CCDC6: variants seen among roughly 807,000 people sequenced by gnomAD.
CCDC6 encodes coiled-coil domain-containing protein 6.
A neutral mutation model predicts 56.6 loss-of-function variants in CCDC6; 20 were observed. That is an observed-to-expected ratio of 0.35 (90% CI 0.25 to 0.51). CCDC6 has a LOEUF of 0.51. Ranked by LOEUF, CCDC6 falls within the 20% of genes least tolerant of loss-of-function variation. The pLI, the probability that CCDC6 is intolerant of heterozygous loss-of-function variation, is 0.95. For synonymous variants in CCDC6, 241 were observed against 234.4 expected (o/e 1.03, Z -0.26); for missense variants, 367 against 601.1 (o/e 0.61, Z 4.07).
At chr10:59,844,324 G>A (rs2070969348) in intron 2 of CCDC6, among the ~76,000 whole-genome samples, 1 of 151,338 alleles carries the variant, frequency 6.6e-6, no homozygotes, top group South Asian at 2.1e-4. Context: ...ATCTACTTGG[G>A]TATATATCTA....
At chr10:59,884,328 G>C (rs146550649) in intron 1 of CCDC6, among the ~76,000 whole-genome samples, 68 of 152,238 alleles carry the variant, frequency 4.5e-4, no homozygotes, top group Non-Finnish European at 2.6e-4. Flanking sequence ...AGACAGCGAC[G>C]ACAATAAGCA....
Position 59,794,410 on chromosome 10 carries a change from C to T in CCDC6, c.1230+63G>A, listed in dbSNP as rs2070495315. Reference sequence around the variant, plus strand: ...GTCTAAGGGCACCGATCCTGTTCTCCAGAACACCAGTCGGTACCACTTTCA... The same window carrying T: ...GTCTAAGGGCACCGATCCTGTTCTCTAGAACACCAGTCGGTACCACTTTCA... On this transcript the variant is annotated intron_variant, in intron 8 of 8. Transcript: ENST00000263102. 1.9e-6 allele frequency: 3 copies of T among 1,567,780 alleles called. No individual in the cohort carries two copies. The South Asian group carries it at 3.4e-5, about 18-fold the overall frequency.
intron 1 of CCDC6, among the ~76,000 whole-genome samples, chr10:59,865,861 A>T (rs2071172540): frequency 1.3e-5 from 2 of 151,296 alleles, no homozygotes. Flanking sequence ...ACAAAAAAAA[A>T]AAAAAAAAAA....
At chr10:59,893,208 G>C (rs947094999) in intron 1 of CCDC6, among the ~76,000 whole-genome samples, 4 of 152,118 alleles carry the variant, frequency 2.6e-5, no homozygotes, top group Non-Finnish European at 5.9e-5. Flanking sequence ...CGGGGGGAGG[G>C]ATACTGACTG....
At chr10:59,884,562 C>T (rs1414330162) in intron 1 of CCDC6, among the ~76,000 whole-genome samples, 1 of 151,768 alleles carries the variant, frequency 6.6e-6, no homozygotes, top group Non-Finnish European at 1.5e-5. Context: ...CGCCCAGTTC[C>T]CAGAATACTT....
Position 59,832,614 on chromosome 10 carries a change from G to A in CCDC6, c.493C>T (p.Gln165Ter). 6.2e-7 allele frequency: 1 copy of A among 1,613,154 alleles called. No homozygotes were observed. The highest frequency in any genetic ancestry group is 8.5e-7 in the Non-Finnish European group (1 of 1,179,506). The stretch of plus-strand genomic sequence containing the variant: ...TTGTTGACCTGAAATTCCTGCTCTT[G>A]TTCAAGATGCTGTTCTAGTTCGGCT... ...EKAELEQHLE[Q>*]EQEFQVNKLM... The change falls in exon 3 of 9, where the codon CAA (glutamine) becomes TAA (stop). Residue 165 changes from glutamine to a stop codon, truncating the protein, a stop_gained. Transcript: ENST00000263102. LOFTEE classifies it high-confidence loss of function.
chr10:59,852,128 A>G (rs2071045351), intron 2 of CCDC6, among the ~76,000 whole-genome samples: 1 of 152,164 alleles, frequency 6.6e-6, no homozygotes, highest in African/African-American at 2.4e-5. Context: ...ATACCTTTCT[A>G]CTTCCTAAAG....
chr10:59,817,494 T>C (rs1054046592), intron 3 of CCDC6, among the ~76,000 whole-genome samples: 17 of 152,198 alleles, frequency 1.1e-4, no homozygotes, highest in South Asian at 4.1e-4. Context: ...ATTATGTTTA[T>C]TTAAACAAAT....
chr10:59,892,164 T>C (rs1289832578), intron 1 of CCDC6, among the ~76,000 whole-genome samples: 1 of 152,246 alleles, frequency 6.6e-6, no homozygotes, highest in Non-Finnish European at 1.5e-5. Context: ...CTAGAACCCA[T>C]ACCCCCATGA....
intron 1 of CCDC6, among the ~76,000 whole-genome samples, chr10:59,857,114 A>C (rs1214476372): frequency 6.6e-6 from 1 of 152,192 alleles, no homozygotes; most frequent in Admixed American, 6.5e-5. Flanking sequence ...TGAGGACTAG[A>C]CCACAAAGCG....
chr10:59,830,098 C>A (rs1419720885), intron 3 of CCDC6, among the ~76,000 whole-genome samples: 2 of 152,186 alleles, frequency 1.3e-5, no homozygotes, highest in Non-Finnish European at 1.5e-5. Context: ...TCTAACAAAG[C>A]AGTGGGACAT....
chr10:59,809,620 C>G (rs1160844758), intron 5 of CCDC6, among the ~76,000 whole-genome samples: 2 of 152,282 alleles, frequency 1.3e-5, no homozygotes, highest in South Asian at 2.1e-4. Flanking sequence ...CTCTTGCACA[C>G]AGAACTCCCT....
At position 59,852,705 on chromosome 10, in the gene CCDC6, G is replaced by A. The variant is rs2071049337; in HGVS notation, c.304-3C>T. On this transcript the variant is annotated splice_region_variant and splice_polypyrimidine_tract_variant and intron_variant, in intron 1 of 8. Coordinates refer to ENST00000263102, the MANE Select transcript of CCDC6 (RefSeq NM_005436.5). ...TCTTCCTGCTCAGCCCTGGCTTGCT[G>A]TTTAAAAAAAAAAAAGGAAAGAACA... 2 of 1,490,910 alleles carry A rather than the reference G, an allele frequency of 1.3e-6. No homozygotes were observed. Among genetic ancestry groups the A allele is most frequent in the Non-Finnish European group, 1.8e-6 (2 of 1,129,352 alleles). 92.4% of individuals were successfully genotyped at this position (1,490,910 alleles called of 1,614,324 possible).
chr10:59,895,070 G>A (rs187733870), intron 1 of CCDC6, among the ~76,000 whole-genome samples: 1 of 152,312 alleles, frequency 6.6e-6, no homozygotes, highest in East Asian at 1.9e-4. Context: ...GGGAGGCCAA[G>A]GTGAAAGGAC....
chr10:59,820,526 T>C (rs1038765542), intron 3 of CCDC6, among the ~76,000 whole-genome samples: 1 of 152,072 alleles, frequency 6.6e-6, no homozygotes, highest in Admixed American at 6.6e-5. Context: ...ATCATATAAA[T>C]AGAACACAGT....
intron 3 of CCDC6, among the ~76,000 whole-genome samples, chr10:59,826,402 C>T (rs2070787927): frequency 6.6e-6 from 1 of 152,194 alleles, no homozygotes; most frequent in African/African-American, 2.4e-5. Flanking sequence ...ACCCACTTAA[C>T]CAGTGGGTCT....
At position 59,895,081 on chromosome 10, in the gene CCDC6, G is replaced by A. The variant is rs1394142992; in HGVS notation, c.303+11041C>T. On this transcript the variant is annotated intron_variant, in intron 1 of 8. Transcript: ENST00000263102. ...CTTTGGGAGGCCAAGGTGAAAGGAC[G>A]GCTTGAGCCCAGGAGTTCAAGACTA... 5.3e-5 allele frequency among the ~76,000 whole-genome samples: 8 copies of A among 152,230 alleles called. No homozygotes were observed. In the East Asian group the frequency reaches 9.7e-4, roughly 18 times the overall value.
At position 59,906,108 on chromosome 10, in the gene CCDC6, C is replaced by G. The variant is rs1471702102; in HGVS notation, c.303+14G>C. 11 of 1,568,350 alleles carry G rather than the reference C, an allele frequency of 7.0e-6. No homozygotes were observed. The highest frequency in any genetic ancestry group is 6.1e-6 in the Non-Finnish European group (7 of 1,154,804). On this transcript the variant is annotated intron_variant, in intron 1 of 8. Coordinates refer to ENST00000263102, the MANE Select transcript of CCDC6 (RefSeq NM_005436.5). ...GGAGGTCGGCGCTGCGGCGCGTCCCCGGGGGGCACTCACGATGGTCACGCT... is the reference window on the plus strand; with the variant it reads ...GGAGGTCGGCGCTGCGGCGCGTCCCGGGGGGGCACTCACGATGGTCACGCT...
intron 3 of CCDC6, among the ~76,000 whole-genome samples, chr10:59,826,665 G>A (rs1260384646): frequency 6.6e-6 from 1 of 152,192 alleles, no homozygotes. Flanking sequence ...CCATACAAGG[G>A]CATCAACAGC....
Sources: allele counts gnomAD v4.1 joint callset (sites outside exome capture counted in the v4.1 genomes callset), GRCh38; gene constraint gnomAD v4.1.1; transcripts MANE v1.5; gene names NCBI Gene and HGNC (gene_info 2026-07-23, HGNC 2026-07-21).